The following PNLDC1 variants were observed in gnomAD, a reference collection of about 807,000 sequenced individuals.
PNLDC1 encodes PARN like ribonuclease domain containing exonuclease 1, also known as poly(A)-specific ribonuclease PNLDC1.
A neutral mutation model predicts 82.0 loss-of-function variants in PNLDC1; 70 were observed. The observed-to-expected ratio is 0.85, with a 90% CI of 0.70 to 1.04. PNLDC1 has a LOEUF of 1.04. PNLDC1 is among the 50% of genes least tolerant of loss of function. The pLI, the probability that PNLDC1 is intolerant of heterozygous loss-of-function variation, is 0.00. For synonymous variants in PNLDC1, 280 were observed against 249.3 expected (o/e 1.12, Z -1.16); for missense variants, 631 against 661.1 (o/e 0.95, Z 0.50).
chr6:159,806,675 A>G (rs1196163284), intron 7 of PNLDC1, among the ~76,000 whole-genome samples: 1 of 152,220 alleles, frequency 6.6e-6, no homozygotes, highest in Non-Finnish European at 1.5e-5. Context: ...TAAAAACGGA[A>G]AGGCCAATCT....
Position 159,801,000 on chromosome 6 carries a change from G to A in PNLDC1, c.135-113G>A. ...TAAATGATGGTAGTGCTCCCTAGTT[G>A]TTGTAACAAGGAAAAAATCCTCCCC... On this transcript the variant is annotated intron_variant, in intron 2 of 18. Coordinates refer to ENST00000392167, the MANE Select transcript of PNLDC1 (RefSeq NM_001271862.2). 2.1e-6 allele frequency: 3 copies of A among 1,457,172 alleles called. No homozygotes were observed. The South Asian group carries it at 3.4e-5, about 17-fold the overall frequency. 90.3% of individuals were successfully genotyped at this position (1,457,172 alleles called of 1,614,324 possible). A position where few individuals can be genotyped will look rare whatever the true frequency, so the allele number is the denominator to read the frequency against.
At chr6:159,805,216 G>A (rs1324572203) in intron 6 of PNLDC1, among the ~76,000 whole-genome samples, 2 of 152,200 alleles carry the variant, frequency 1.3e-5, no homozygotes, top group Non-Finnish European at 2.9e-5. Context: ...TAGAGCTGGG[G>A]TCAGGAGTGA....
At chr6:159,802,515 T>C (rs975128838) in intron 3 of PNLDC1, among the ~76,000 whole-genome samples, 2 of 152,212 alleles carry the variant, frequency 1.3e-5, no homozygotes, top group Non-Finnish European at 2.9e-5. Context: ...TGTTTGTTTT[T>C]AATTATAAGA....
At chr6:159,803,383 C>T in intron 4 of PNLDC1, 73 bp downstream of exon 4, 3 of 1,400,854 alleles carry the variant, frequency 2.1e-6, no homozygotes, top group Non-Finnish European at 3.0e-6. Flanking sequence ...TCAAATTCTG[C>T]CTCAGGTGCC....
At position 159,803,307 on chromosome 6, in the gene PNLDC1, A is replaced by G; in HGVS notation, c.245A>G (p.Asn82Ser). 1.2e-6 allele frequency: 2 copies of G among 1,613,532 alleles called. No homozygotes were observed. Residue 82 changes from asparagine to serine, a missense_variant, in exon 4 of 19, where the codon AAC becomes AGC. Asn to Ser is a conservative substitution (Grantham distance 46). Coordinates refer to ENST00000392167, the MANE Select transcript of PNLDC1 (RefSeq NM_001271862.2). Reference protein sequence around the residue: ...SVFSAIEGEANKYIAHSCNFY... With the variant: ...SVFSAIEGEASKYIAHSCNFY... ...TTTTCCGCTATTGAAGGAGAGGCAA[A>G]CAAGTATGTATCAAGAGCTTCTGCA...
upstream of PNLDC1, chr6:159,800,172 C>T: frequency 2.7e-6 from 2 of 744,380 alleles, no homozygotes; most frequent in South Asian, 2.0e-5. Context: ...CACGGGGAAG[C>T]TGGGCACGTG....
At chr6:159,817,281 T>G (rs969267184) in intron 15 of PNLDC1, 130 bp downstream of exon 15, 109 of 888,978 alleles carry the variant, frequency 1.2e-4, no homozygotes, top group Non-Finnish European at 1.7e-4. Context: ...GTCACTGGTA[T>G]AGAAATCTTG....
chr6:159,810,164 A>G (rs1188837456), intron 10 of PNLDC1, 69 bp downstream of exon 10: 16 of 1,418,880 alleles, frequency 1.1e-5, no homozygotes, highest in African/African-American at 5.6e-5. Context: ...TTGGTACACA[A>G]TCATACCCCT....
chr6:159,811,880 GT>G, intron 11 of PNLDC1, 94 bp downstream of exon 11: 18 of 919,220 alleles, frequency 2.0e-5, no homozygotes, highest in South Asian at 3.3e-5. Context: ...GTGTTTTTTT[GT>G]TTTTTTTGTT....
At chr6:159,816,436 A>C in intron 13 of PNLDC1, 107 bp from the exon 14 acceptor site, 2 of 991,946 alleles carry the variant, frequency 2.0e-6, no homozygotes, top group Middle Eastern at 4.1e-4. Context: ...GGTATGCAGG[A>C]CCATGGGAGG....
At chr6:159,800,706 CT>C (rs1781213140) in intron 1 of PNLDC1, 65 bp from the exon 2 acceptor site, 4 of 1,614,096 alleles carry the variant, frequency 2.5e-6, no homozygotes, top group Non-Finnish European at 3.4e-6. Context: ...GCCTGCAGAT[CT>C]ACAGTGTGAG....
intron 9 of PNLDC1, 131 bp downstream of exon 9, chr6:159,809,289 T>C (rs1781565497): frequency 8.0e-7 from 1 of 1,244,228 alleles, no homozygotes; most frequent in South Asian, 1.4e-5. Flanking sequence ...AATTTTTTCA[T>C]GTTTTACTTT....
intron 16 of PNLDC1, 99 bp from the exon 17 acceptor site, chr6:159,818,847 C>A: frequency 1.4e-6 from 2 of 1,403,700 alleles, no homozygotes; most frequent in South Asian, 1.3e-5. Context: ...CCCTCCCTGC[C>A]CCAAGCAGAG....
chr6:159,806,048 A>G lies in PNLDC1; in HGVS notation c.527A>G (p.Lys176Arg). 1 of 1,614,190 alleles carries G rather than the reference A, an allele frequency of 6.2e-7. No homozygotes were observed. The highest frequency in any genetic ancestry group is 8.5e-7 in the Non-Finnish European group (1 of 1,180,030). The change falls in exon 7 of 19, where the codon AAG becomes AGG. Residue 176 changes from lysine to arginine, a missense_variant. Transcript: ENST00000392167. ...GTGACGCGGTGGCTGGAGCTGGCCA[A>G]GGAAGGCGACTGGATGACTCTTCCT... The part of the protein sequence containing the change: ...DEVTRWLELA[K>R]EGDWMTLPGI...
chr6:159,816,165 ACCCCTCCCCTCCCCCCCACCTCT>A, intron 13 of PNLDC1, 132 bp downstream of exon 13: 1 of 77,552 alleles, frequency 1.3e-5, no homozygotes, highest in Non-Finnish European at 2.2e-5. Context: ...ACCCCCCCAC[ACCCCTCCCCTCCCCCCCACCTCT>A]CCCCCTGCCC....
chr6:159,800,904 GC>G, intron 2 of PNLDC1, 75 bp downstream of exon 2: 1 of 1,602,868 alleles, frequency 6.2e-7, no homozygotes, highest in African/African-American at 1.3e-5. Flanking sequence ...CAGCCTGTTG[GC>G]ATTTGGGGGG....
chr6:159,801,702 T>G (rs1405388791), intron 3 of PNLDC1, among the ~76,000 whole-genome samples: 2 of 152,072 alleles, frequency 1.3e-5, no homozygotes, highest in African/African-American at 4.8e-5. Context: ...TGCCTCTGCC[T>G]CTCAAAGTGA....
Position 159,814,362 on chromosome 6 carries a change from C to T in PNLDC1, c.995+706C>T, listed in dbSNP as rs531278052. Among the ~76,000 whole-genome samples, 49 of 152,240 alleles carry T rather than the reference C, an allele frequency of 3.2e-4. 2 individuals are homozygous for T. The highest frequency in any genetic ancestry group is 6.8e-3 in the Middle Eastern group (2 of 294). ...TGTCTCCTACGTTTTCTCTCAAGGG[C>T]CCCTCCTCAACCGTGTTCCTGCTCA... On this transcript the variant is annotated intron_variant, in intron 12 of 18. Coordinates refer to ENST00000392167, the MANE Select transcript of PNLDC1 (RefSeq NM_001271862.2).
intron 3 of PNLDC1, 30 bp downstream of exon 3, chr6:159,801,216 T>TC (rs1374056018): frequency 6.3e-7 from 1 of 1,589,428 alleles, no homozygotes; most frequent in Non-Finnish European, 8.6e-7. Context: ...TTAGAGTTTT[T>TC]CAAGAAGGTA....
Sources: gnomAD v4.1 joint callset for allele counts (sites outside exome capture counted in the v4.1 genomes callset) on GRCh38, gnomAD v4.1.1 for gene constraint, MANE v1.5 for transcripts, NCBI Gene and HGNC (gene_info 2026-07-23, HGNC 2026-07-21) for gene names.